Variants in RANBP2 observed in about 807,000 individuals in gnomAD.
The protein encoded by RANBP2 is RAN binding protein 2, also known as E3 SUMO-protein ligase RanBP2.
RANBP2 carries 57 observed loss-of-function variants against 303.6 expected under a neutral mutation model. That is an observed-to-expected ratio of 0.19 (90% CI 0.15 to 0.23). The LOEUF is 0.23. Ranked by LOEUF, RANBP2 falls within the 10% of genes least tolerant of loss-of-function variation. The pLI, the probability that RANBP2 is intolerant of heterozygous loss-of-function variation, is 1.00. For missense variants in RANBP2, 3,138 were observed against 3,780.8 expected (o/e 0.83, Z 4.46); for synonymous variants, 1,167 against 1,301.5 (o/e 0.90, Z 2.23).
the RANBP2 span, among the ~76,000 whole-genome samples, chr2:109,705,379 C>T: frequency 3.9e-5 from 6 of 152,164 alleles, no homozygotes; most frequent in African/African-American, 1.4e-4. Flanking sequence ...GCACTCCAGC[C>T]TGGGCAACAA....
chr2:109,557,947 C>G, the RANBP2 span, among the ~76,000 whole-genome samples: 22 of 151,638 alleles, frequency 1.5e-4, no homozygotes. Flanking sequence ...AGCATGCCAC[C>G]ACAGCTGGTT....
chr2:109,515,496 T>G, the RANBP2 span, among the ~76,000 whole-genome samples: 2 of 152,032 alleles, frequency 1.3e-5, no homozygotes, highest in Admixed American at 6.5e-5. Context: ...GTGCAGGCCC[T>G]TCCTTCCCTT....
chr2:109,476,062 C>T, the RANBP2 span, among the ~76,000 whole-genome samples: 2 of 152,246 alleles, frequency 1.3e-5, no homozygotes, highest in African/African-American at 2.4e-5. Context: ...CAGTACTGTA[C>T]GGTATGCTTA....
the RANBP2 span, among the ~76,000 whole-genome samples, chr2:108,857,902 G>A: frequency 6.6e-6 from 1 of 152,138 alleles, no homozygotes; most frequent in Non-Finnish European, 1.5e-5. Context: ...CATCTTTCTC[G>A]TTGTCAAAGG....
At chr2:108,984,587 A>G in the RANBP2 span, among the ~76,000 whole-genome samples, 1 of 150,590 alleles carries the variant, frequency 6.6e-6, no homozygotes, top group African/African-American at 2.5e-5. Context: ...GTCCTGGTTC[A>G]CTCCCTCACT....
At chr2:109,371,828 G>A in the RANBP2 span, 7 of 713,602 alleles carry the variant, frequency 9.8e-6, no homozygotes, top group Non-Finnish European at 1.7e-5. Flanking sequence ...GCTATGTGTG[G>A]GCTTTGATTC....
At chr2:109,142,496 C>T in the RANBP2 span, among the ~76,000 whole-genome samples, 3 of 152,194 alleles carry the variant, frequency 2.0e-5, no homozygotes, top group South Asian at 2.1e-4. Flanking sequence ...GCAGGCACAG[C>T]GGCCGAGAGT....
the RANBP2 span, among the ~76,000 whole-genome samples, chr2:109,095,525 G>A: frequency 1.3e-5 from 2 of 152,134 alleles, no homozygotes; most frequent in Non-Finnish European, 2.9e-5. Context: ...GTTTGTGAAG[G>A]GTTGGTCTTG....
At chr2:108,943,080 C>G in the RANBP2 span, among the ~76,000 whole-genome samples, 1 of 152,162 alleles carries the variant, frequency 6.6e-6, no homozygotes, top group Non-Finnish European at 1.5e-5. Context: ...TTTTTCCCTC[C>G]CTTACATTCG....
chr2:109,047,356 G>A, the RANBP2 span, among the ~76,000 whole-genome samples: 5 of 152,208 alleles, frequency 3.3e-5, no homozygotes, highest in African/African-American at 1.2e-4. Flanking sequence ...TGATGACTCA[G>A]TGAGGTACAA....
At chr2:109,400,137 A>C in the RANBP2 span, among the ~76,000 whole-genome samples, 34 of 152,218 alleles carry the variant, frequency 2.2e-4, no homozygotes, top group Non-Finnish European at 4.3e-4. Flanking sequence ...TTGTCTTAAA[A>C]ATTGCTGAGC....
the RANBP2 span, chr2:109,251,336 A>C: frequency 2.0e-6 from 1 of 511,160 alleles, no homozygotes; most frequent in African/African-American, 1.9e-5. Context: ...AATTAGAGAG[A>C]TGCAAGACAC....
At chr2:108,820,343 A>G in the RANBP2 span, among the ~76,000 whole-genome samples, 2 of 152,222 alleles carry the variant, frequency 1.3e-5, no homozygotes, top group Admixed American at 6.5e-5. Context: ...GAGATCATCA[A>G]GTGAACCACT....
In RANBP2 at chr2:108,784,707, C is replaced by T. The variant is rs1039147738; in HGVS notation, c.*806C>T. 3.3e-5 allele frequency: 5 copies of T among 152,594 alleles called. No individual in the cohort carries two copies. The highest frequency in any genetic ancestry group is 3.9e-4 in the East Asian group (2 of 5,176). 9.5% of individuals were successfully genotyped at this position (152,594 alleles called of 1,614,324 possible). A position where few individuals can be genotyped will look rare whatever the true frequency, so the allele number is the denominator to read the frequency against. Reference sequence around the variant, plus strand: ...TTAGAAAGTCTATACCATGTTCTTTCGTTAAAGATTTGCTTTATACAAGAT... The same window carrying T: ...TTAGAAAGTCTATACCATGTTCTTTTGTTAAAGATTTGCTTTATACAAGAT... On this transcript the variant is annotated 3_prime_UTR_variant, in exon 29 of 29. Coordinates refer to ENST00000283195, the MANE Select transcript of RANBP2 (RefSeq NM_006267.5).
the RANBP2 span, among the ~76,000 whole-genome samples, chr2:109,714,058 A>T: frequency 2.0e-5 from 3 of 152,296 alleles, 1 homozygote; most frequent in South Asian, 6.2e-4. Flanking sequence ...GTAGTAGATT[A>T]CCCACAACTA....
At chr2:108,952,310 T>C in the RANBP2 span, among the ~76,000 whole-genome samples, 1 of 152,182 alleles carries the variant, frequency 6.6e-6, no homozygotes, top group African/African-American at 2.4e-5. Context: ...AGAAGGTAGT[T>C]TGGTGACTAA....
the RANBP2 span, among the ~76,000 whole-genome samples, chr2:109,523,336 C>A: frequency 3.3e-5 from 5 of 152,262 alleles, no homozygotes; most frequent in East Asian, 9.7e-4. Flanking sequence ...GCTGTCCAGG[C>A]TGGAAGACCC....
chr2:109,118,854 T>C, the RANBP2 span, among the ~76,000 whole-genome samples: 17 of 152,138 alleles, frequency 1.1e-4, no homozygotes, highest in African/African-American at 4.1e-4. Flanking sequence ...TGGGATCCCA[T>C]AATAAACCAG....
At chr2:109,466,861 ATGTGTGTATATGTT>A in the RANBP2 span, among the ~76,000 whole-genome samples, 4 of 151,884 alleles carry the variant, frequency 2.6e-5, no homozygotes, top group Non-Finnish European at 4.4e-5. Context: ...ATACATGTGC[ATGTGTGTATATGTT>A]TGTGTGTATA....
Sources: gnomAD v4.1 joint callset for allele counts (sites outside exome capture counted in the v4.1 genomes callset) on GRCh38, gnomAD v4.1.1 for gene constraint, MANE v1.5 for transcripts, NCBI Gene and HGNC (gene_info 2026-07-23, HGNC 2026-07-21) for gene names.